TFR2: variants seen among roughly 807,000 people sequenced by gnomAD.
The protein encoded by TFR2 is transferrin receptor 2.
In TFR2, 64 loss-of-function variants were observed where a neutral mutation model predicts 91.9. That is an observed-to-expected ratio of 0.70 (90% CI 0.57 to 0.86). TFR2 has a LOEUF of 0.86. Among genes scored for constraint, TFR2 ranks in the 40% least tolerant of loss-of-function variants. TFR2 has a pLI of 0.00. For synonymous variants in TFR2, 454 were observed against 459.6 expected (o/e 0.99, Z 0.15); for missense variants, 950 against 1,080.5 (o/e 0.88, Z 1.69).
At chr7:100,638,382 T>G (rs1803619934) in intron 3 of TFR2, among the ~76,000 whole-genome samples, 1 of 151,504 alleles carries the variant, frequency 6.6e-6, no homozygotes, top group East Asian at 1.9e-4. Context: ...GAGGCTGAGG[T>G]GGGAGGATTG....
intron 9 of TFR2, among the ~76,000 whole-genome samples, chr7:100,630,563 T>A (rs1803404964): frequency 6.6e-6 from 1 of 152,238 alleles, no homozygotes; most frequent in Non-Finnish European, 1.5e-5. Flanking sequence ...GTGCTGGGAT[T>A]ACAGGCGTGA....
At chr7:100,631,085 G>A in intron 8 of TFR2, 33 bp from the exon 9 acceptor site, 2 of 1,515,918 alleles carry the variant, frequency 1.3e-6, no homozygotes, top group South Asian at 2.6e-5. Flanking sequence ...GGGGGAAGTT[G>A]TAGAGAGACC....
Position 100,627,668 on chromosome 7 carries a change from G to A in TFR2, c.1683-7C>T, listed in dbSNP as rs765554083. On this transcript the variant is annotated splice_polypyrimidine_tract_variant and splice_region_variant and intron_variant, in intron 14 of 17. Coordinates refer to ENST00000223051, the MANE Select transcript of TFR2 (RefSeq NM_003227.4). ...CATGGGTAGGGGCCGGATCCTGGGG[G>A]CAGGTGGGTTGGAGCGATCTGTGGG... is the stretch of plus-strand genomic sequence containing the variant. 5.6e-6 allele frequency: 9 copies of A among 1,614,126 alleles called. No homozygotes were observed. The Admixed American group carries it at 1.5e-4, about 27-fold the overall frequency.
At chr7:100,637,400 A>AT (rs1803594750) in intron 3 of TFR2, among the ~76,000 whole-genome samples, 1 of 38,012 alleles carries the variant, frequency 2.6e-5, no homozygotes, top group Non-Finnish European at 5.0e-5. Flanking sequence ...ACTCTGTCTC[A>AT]CAAAAAAAAA....
chr7:100,630,833 G>C, intron 9 of TFR2, 56 bp downstream of exon 9: 2 of 1,608,982 alleles, frequency 1.2e-6, no homozygotes, highest in Non-Finnish European at 1.7e-6. Flanking sequence ...GGGTGTATGG[G>C]CAGAAATTCC....
In TFR2 at chr7:100,628,310, G is replaced by A; in HGVS notation, c.1391-4C>T. On this transcript the variant is annotated splice_region_variant and splice_polypyrimidine_tract_variant and intron_variant, in intron 10 of 17. Coordinates refer to ENST00000223051, the MANE Select transcript of TFR2 (RefSeq NM_003227.4). Reference sequence around the variant, plus strand: ...AGACTTCTGCGGGGCCGGAAGCCTGGGGACAGAGGGGAAGGAGGACAGGCT... The same window carrying A: ...AGACTTCTGCGGGGCCGGAAGCCTGAGGACAGAGGGGAAGGAGGACAGGCT... 1 of 1,613,984 alleles carries A rather than the reference G, an allele frequency of 6.2e-7. No individual in the cohort carries two copies. The highest frequency in any genetic ancestry group is 8.5e-7 in the Non-Finnish European group (1 of 1,179,920).
Position 100,640,841 on chromosome 7 carries a change from C to T in TFR2, c.318G>A (p.Gly106=), listed in dbSNP as rs757334627. Residue 106 remains glycine (G), a synonymous_variant, in exon 3 of 18, where the codon GGG becomes GGA. Coordinates refer to ENST00000223051, the MANE Select transcript of TFR2 (RefSeq NM_003227.4). ...AFLLGYVAFR[G]SCQACGDSVL... is the part of the protein sequence containing the mutation. ...CAGAGTCTCCGCACGCCTGGCAGGACCCTCGGAAGGCGACGTAGCCCAGTA... is the reference window on the plus strand; with the variant it reads ...CAGAGTCTCCGCACGCCTGGCAGGATCCTCGGAAGGCGACGTAGCCCAGTA... 1.9e-6 allele frequency: 3 copies of T among 1,614,120 alleles called. No individual in the cohort carries two copies. Among genetic ancestry groups the T allele is most frequent in the East Asian group, 2.2e-5 (1 of 44,878 alleles).
At chr7:100,631,568 G>A (rs1268307577) in intron 8 of TFR2, 3 of 434,688 alleles carry the variant, frequency 6.9e-6, no homozygotes, top group Non-Finnish European at 1.2e-5. Context: ...AGGTTGCAGT[G>A]AGCCAAGATT....
intron 17 of TFR2, among the ~76,000 whole-genome samples, chr7:100,625,573 G>C (rs1562837012): frequency 6.6e-6 from 1 of 152,110 alleles, no homozygotes. Flanking sequence ...AGAATGAATG[G>C]AGAAAGAGAT....
chr7:100,633,578 C>G (rs1584461057), intron 3 of TFR2, 22 bp from the exon 4 acceptor site: 2 of 1,588,684 alleles, frequency 1.3e-6, no homozygotes, highest in East Asian at 4.5e-5. Context: ...GAGGTGGGGA[C>G]TTTTCTGGGC....
In TFR2 at chr7:100,632,209, A is replaced by G. The variant is rs778515422; in HGVS notation, c.850-11T>C. The G allele has an allele frequency of 2.2e-5, 36 of 1,612,036 alleles. No individual in the cohort carries two copies. The highest frequency in any genetic ancestry group is 3.3e-4 in the Middle Eastern group (2 of 6,080). The stretch of plus-strand genomic sequence containing the variant: ...CTGAGCATTGGTCACCTGGGGAGGA[A>G]GGTGACTAGAGGACTCCTCCCAGAA... On this transcript the variant is annotated splice_polypyrimidine_tract_variant and intron_variant, in intron 6 of 17. Transcript: ENST00000223051.
At chr7:100,638,273 G>C (rs1315207073) in intron 3 of TFR2, among the ~76,000 whole-genome samples, 1 of 151,830 alleles carries the variant, frequency 6.6e-6, no homozygotes, top group East Asian at 2.0e-4. Context: ...AAAGTGCTGG[G>C]ATTACAGGTG....
chr7:100,641,270 G>A, intron 1 of TFR2, 42 bp from the exon 2 acceptor site: 1 of 1,529,662 alleles, frequency 6.5e-7, no homozygotes, highest in East Asian at 2.4e-5. Flanking sequence ...CAAGAGGCCT[G>A]GGGGGTGGGG....
chr7:100,626,392 C>CAGG, intron 17 of TFR2: 1 of 920,466 alleles, frequency 1.1e-6, no homozygotes, highest in South Asian at 5.0e-5. Context: ...CCTGTAACCT[C>CAGG]GTATTGTGGA....
At chr7:100,622,172 C>T (rs773984123) in intron 17 of TFR2, among the ~76,000 whole-genome samples, 4 of 152,144 alleles carry the variant, frequency 2.6e-5, no homozygotes, top group Admixed American at 6.5e-5. Context: ...AGTGCAGGCA[C>T]GTGCCACCAT....
chr7:100,620,828 G>C lies in TFR2; in HGVS notation c.*29C>G. 6.2e-7 allele frequency: 1 copy of C among 1,613,488 alleles called. No individual in the cohort carries two copies. Among genetic ancestry groups the C allele is most frequent in the Non-Finnish European group, 8.5e-7 (1 of 1,179,592 alleles). On this transcript the variant is annotated 3_prime_UTR_variant, in exon 18 of 18. Transcript: ENST00000223051. ...GAGGAGCAGAGGAGCTCTTGACTGG[G>C]GGACGGGGATGTGAGGATCCCCAGG... is the stretch of plus-strand genomic sequence containing the variant.
chr7:100,636,110 A>C (rs996236776), intron 3 of TFR2, among the ~76,000 whole-genome samples: 1 of 150,708 alleles, frequency 6.6e-6, no homozygotes, highest in African/African-American at 2.4e-5. Flanking sequence ...AAATGAATTA[A>C]TTACTTCATC....
intron 17 of TFR2, among the ~76,000 whole-genome samples, chr7:100,623,921 T>C (rs1803184103): frequency 6.8e-6 from 1 of 146,816 alleles, no homozygotes; most frequent in Non-Finnish European, 1.5e-5. Context: ...TTAGGCATGG[T>C]TGTGCGCGCC....
intron 6 of TFR2, chr7:100,632,778 A>G: frequency 4.8e-6 from 2 of 420,158 alleles, no homozygotes; most frequent in Non-Finnish European, 8.5e-6. Context: ...GGGGGTTCTC[A>G]CCGTGTTGCC....
Sources: allele counts gnomAD v4.1 joint callset (sites outside exome capture counted in the v4.1 genomes callset), GRCh38; gene constraint gnomAD v4.1.1; transcripts MANE v1.5; gene names NCBI Gene and HGNC (gene_info 2026-07-23, HGNC 2026-07-21).